Variants in STAB1 observed in about 807,000 individuals in gnomAD.
The protein encoded by STAB1 is stabilin-1.
A neutral mutation model predicts 332.4 loss-of-function variants in STAB1; 250 were observed. That is an observed-to-expected ratio of 0.75 (90% CI 0.68 to 0.84). STAB1 has a LOEUF of 0.84. STAB1 is among the 40% of genes least tolerant of loss of function. The pLI, the probability that STAB1 is intolerant of heterozygous loss-of-function variation, is 0.00. For missense variants in STAB1, 3,249 were observed against 3,489.7 expected (o/e 0.93, Z 1.74); for synonymous variants, 1,475 against 1,390.4 (o/e 1.06, Z -1.35).
Position 52,519,399 on chromosome 3 carries a change from C to A in STAB1, c.5170C>A (p.Pro1724Thr). The A allele has an allele frequency of 3.1e-6, 5 of 1,613,006 alleles. No individual in the cohort carries two copies. The highest frequency in any genetic ancestry group is 4.2e-6 in the Non-Finnish European group (5 of 1,179,948). Reference sequence around the variant, plus strand: ...CTGGGAGCCTGATGATGCTCCCATCCCGAGGGTATGACAAGCACGGGCCTG... The same window carrying A: ...CTGGGAGCCTGATGATGCTCCCATCACGAGGGTATGACAAGCACGGGCCTG... The part of the protein sequence containing the change: ...LHWEPDDAPI[P>T]RRNVTAAAQG... Residue 1724 changes from proline to threonine, a missense_variant, in exon 49 of 69, where the codon CCG becomes ACG. Physicochemically the swap from Pro to Thr is conservative, Grantham distance 38. Transcript: ENST00000321725.
chr3:52,501,796 C>G, intron 3 of STAB1, 43 bp downstream of exon 3: 1 of 1,528,970 alleles, frequency 6.5e-7, no homozygotes, highest in Non-Finnish European at 8.9e-7. Flanking sequence ...TCCCACCCAG[C>G]CCCAGCTCTG....
chr3:52,508,348 G>A lies in STAB1; in HGVS notation c.2224G>A (p.Gly742Ser), dbSNP rs1709038765. 1 of 1,613,662 alleles carries A rather than the reference G, an allele frequency of 6.2e-7. No homozygotes were observed. The highest frequency in any genetic ancestry group is 8.5e-7 in the Non-Finnish European group (1 of 1,179,996). ...CPGGFSNPCY[G>S]KGNCSDGIQG... ...TGGGGGCTTCTCCAACCCCTGCTATGGCAAAGGCAATGTGAGTCCCATCCT... is the reference window on the plus strand; with the variant it reads ...TGGGGGCTTCTCCAACCCCTGCTATAGCAAAGGCAATGTGAGTCCCATCCT... The change falls in exon 21 of 69, where the codon GGC becomes AGC. Residue 742 changes from glycine to serine, a missense_variant. By Grantham distance (56) the Gly-to-Ser change is moderately conservative (BLOSUM62 0). Transcript: ENST00000321725.
chr3:52,510,309 G>A (rs770699948), intron 24 of STAB1, 40 bp from the exon 25 acceptor site: 48 of 1,613,710 alleles, frequency 3.0e-5, no homozygotes, highest in Middle Eastern at 1.6e-4. Flanking sequence ...CTCTGCCTAC[G>A]TTCTTGTGTC....
Position 52,514,440 on chromosome 3 carries a change from C to T in STAB1, c.3622C>T (p.Arg1208Cys), listed in dbSNP as rs953848715. 21 of 1,556,230 alleles carry T rather than the reference C, an allele frequency of 1.3e-5. No homozygotes were observed. Among genetic ancestry groups the T allele is most frequent in the South Asian group, 3.7e-5 (3 of 81,466 alleles). Residue 1208 changes from arginine to cysteine, a missense_variant, in exon 34 of 69, where the codon CGC becomes TGC. Arg to Cys is a radical substitution (Grantham distance 180, BLOSUM62 -3). Coordinates refer to ENST00000321725, the MANE Select transcript of STAB1 (RefSeq NM_015136.3). ...SMETLRKGGH[R>C]NSLLGPAHWI... ...GGAAACCCTGCGGAAGGGTGGACACCGCAACTCCCTCCTGGGCCCTGCCCA... is the reference window on the plus strand; with the variant it reads ...GGAAACCCTGCGGAAGGGTGGACACTGCAACTCCCTCCTGGGCCCTGCCCA...
intron 1 of STAB1, among the ~76,000 whole-genome samples, chr3:52,499,265 A>G (rs1708260872): frequency 6.6e-6 from 1 of 152,208 alleles, no homozygotes; most frequent in South Asian, 2.1e-4. Flanking sequence ...CTCCTGGTTC[A>G]GTGCTGAAGG....
chr3:52,500,831 G>A (rs925830772), intron 1 of STAB1, among the ~76,000 whole-genome samples: 1 of 152,190 alleles, frequency 6.6e-6, no homozygotes, highest in Non-Finnish European at 1.5e-5. Flanking sequence ...AATGGGCTTG[G>A]GGGAGCAACG....
chr3:52,523,295 A>G lies in STAB1; in HGVS notation c.7094A>G (p.Tyr2365Cys), dbSNP rs749987425. 9 of 1,612,612 alleles carry G rather than the reference A, an allele frequency of 5.6e-6. No homozygotes were observed. The highest frequency in any genetic ancestry group is 1.1e-5 in the South Asian group (1 of 91,090). ...GACTTCCTGGATGATGAGCTCACGT[A>G]TAAGACACTCTTCGTCCCTGTCAAT... is the stretch of plus-strand genomic sequence containing the variant. The part of the protein sequence containing the change: ...FLDFLDDELT[Y>C]KTLFVPVNEG... Residue 2365 changes from tyrosine (Y) to cysteine (C), a missense_variant, in exon 64 of 69, where the codon TAT becomes TGT. Transcript: ENST00000321725.
At position 52,521,366 on chromosome 3, in the gene STAB1, C is replaced by T; in HGVS notation, c.5914C>T (p.Pro1972Ser). 1.9e-6 allele frequency: 3 copies of T among 1,613,904 alleles called. No homozygotes were observed. Among genetic ancestry groups the T allele is most frequent in the Non-Finnish European group, 2.5e-6 (3 of 1,180,000 alleles). ...TTCTCCTACCCCATCCCCAGCTTGC[C>T]CTGGCGGCCCCAGCAGCCCTTGTAG... ...GHYGSECQAC[P>S]GGPSSPCSDR... Residue 1972 changes from proline to serine, a missense_variant, in exon 56 of 69, where the codon CCT becomes TCT. By Grantham distance (74) the Pro-to-Ser change is moderately conservative (BLOSUM62 -1). Transcript: ENST00000321725.
intron 62 of STAB1, 28 bp downstream of exon 62, chr3:52,522,968 C>T: frequency 6.2e-7 from 1 of 1,606,198 alleles, no homozygotes; most frequent in Non-Finnish European, 8.5e-7. Flanking sequence ...AACCCTACTT[C>T]CCCTGCTCTG....
intron 52 of STAB1, 46 bp from the exon 53 acceptor site, chr3:52,520,354 G>A: frequency 6.2e-7 from 1 of 1,612,774 alleles, no homozygotes; most frequent in Non-Finnish European, 8.5e-7. Flanking sequence ...AGTAGCAGCT[G>A]GAGTGCACCT....
At chr3:52,511,879 T>G (rs937299468) in intron 26 of STAB1, 134 bp downstream of exon 26, 1 of 731,504 alleles carries the variant, frequency 1.4e-6, no homozygotes, top group East Asian at 2.8e-5. Context: ...AAACTTCAAA[T>G]CCAACCATGT....
intron 1 of STAB1, 88 bp from the exon 2 acceptor site, chr3:52,501,078 A>T: frequency 6.5e-7 from 1 of 1,530,718 alleles, no homozygotes; most frequent in Admixed American, 1.8e-5. Flanking sequence ...TGGCAGCTGG[A>T]GGGGTGTGAG....
intron 16 of STAB1, 50 bp from the exon 17 acceptor site, chr3:52,506,120 C>T: frequency 6.3e-7 from 1 of 1,578,242 alleles, no homozygotes; most frequent in Non-Finnish European, 8.6e-7. Context: ...GGGCGTGGCC[C>T]CAAGGTATGG....
In STAB1 at chr3:52,523,482, C is replaced by A; in HGVS notation, c.7196C>A (p.Ala2399Asp). 6.2e-7 allele frequency: 1 copy of A among 1,612,238 alleles called. No individual in the cohort carries two copies. The highest frequency in any genetic ancestry group is 8.5e-7 in the Non-Finnish European group (1 of 1,179,502). Residue 2399 changes from alanine to aspartate, a missense_variant, in exon 65 of 69, where the codon GCC becomes GAC. Physicochemically the swap from Ala to Asp is moderately radical, Grantham distance 126. Coordinates refer to ENST00000321725, the MANE Select transcript of STAB1 (RefSeq NM_015136.3). The stretch of plus-strand genomic sequence containing the variant: ...GCCTCCAACGCCACCCTCCTAAGTG[C>A]CAACGCCAGCCAGGGGAAGTTGCTT... Reference protein sequence around the residue: ...LHASNATLLSANASQGKLLPA... With the variant: ...LHASNATLLSDNASQGKLLPA...
rs754080518 is a variant in STAB1 at position 52,502,617 on chromosome 3, G to A, written c.488-15G>A. 25 of 1,604,814 alleles carry A rather than the reference G, an allele frequency of 1.6e-5. No individual in the cohort carries two copies. The African/African-American group carries it at 1.9e-4, about 12-fold the overall frequency. On this transcript the variant is annotated splice_polypyrimidine_tract_variant and intron_variant, in intron 5 of 68. Coordinates refer to ENST00000321725, the MANE Select transcript of STAB1 (RefSeq NM_015136.3). ...AGAGGCTGGGGCCCCATCTGTCTCT[G>A]TGTGTCCCTCCCAGTGTGCAGCTGT... is the stretch of plus-strand genomic sequence containing the variant.
At position 52,509,212 on chromosome 3, in the gene STAB1, C is replaced by T. The variant is rs1439329963; in HGVS notation, c.2238C>T (p.Cys746=). The change falls in exon 22 of 69, where the codon TGC becomes TGT. Residue 746 remains cysteine (C), a splice_region_variant and synonymous_variant. Transcript: ENST00000321725. The part of the protein sequence containing the change: ...FSNPCYGKGN[C]SDGIQGNGAC... ...CCTGCCTTCTGCTCACTCTCTAGTG[C>T]AGTGATGGGATCCAGGGCAATGGGG... 1 of 1,613,292 alleles carries T rather than the reference C, an allele frequency of 6.2e-7. No homozygotes were observed. The highest frequency in any genetic ancestry group is 8.5e-7 in the Non-Finnish European group (1 of 1,179,692).
Position 52,520,091 on chromosome 3 carries a change from C to G in STAB1, c.5383C>G (p.Leu1795Val), listed in dbSNP as rs528130810. The change falls in exon 51 of 69, where the codon CTG becomes GTG. Residue 1795 changes from leucine to valine, a missense_variant. Coordinates refer to ENST00000321725, the MANE Select transcript of STAB1 (RefSeq NM_015136.3). ...CCACCGTGACAAGCTAGCAGCCATT[C>G]TGCGGGGCCACATGATTCGCAATGT... is the stretch of plus-strand genomic sequence containing the variant. The part of the protein sequence containing the change: ...EDHRDKLAAI[L>V]RGHMIRNVEA... The G allele has an allele frequency of 1.2e-6, 2 of 1,611,136 alleles. No homozygotes were observed. Among genetic ancestry groups the G allele is most frequent in the African/African-American group, 1.3e-5 (1 of 75,048 alleles).
chr3:52,498,953 G>A (rs1038686690), intron 1 of STAB1, among the ~76,000 whole-genome samples: 3 of 152,238 alleles, frequency 2.0e-5, no homozygotes, highest in East Asian at 1.9e-4. Context: ...AGGCATGAGC[G>A]GAAAAGGCCA....
intron 25 of STAB1, among the ~76,000 whole-genome samples, chr3:52,511,379 C>A (rs1405056007): frequency 1.3e-5 from 2 of 152,158 alleles, no homozygotes; most frequent in Non-Finnish European, 1.5e-5. Context: ...CTGGCAGGGC[C>A]CCAGGCTCCA....
Sources: gnomAD v4.1 joint callset for allele counts (sites outside exome capture counted in the v4.1 genomes callset) on GRCh38, gnomAD v4.1.1 for gene constraint, MANE v1.5 for transcripts, NCBI Gene and HGNC (gene_info 2026-07-23, HGNC 2026-07-21) for gene names.